Variants in ASH1L observed in about 807,000 individuals in gnomAD.
ASH1L encodes the protein ASH1 like histone lysine methyltransferase, also known as histone-lysine N-methyltransferase ASH1L.
ASH1L carries 23 observed loss-of-function variants against 269.0 expected under a neutral mutation model. The ratio of observed to expected loss-of-function variants is 0.09; its 90% CI spans 0.06 to 0.12. ASH1L has a LOEUF of 0.12. ASH1L is among the 10% of genes least tolerant of loss of function. The probability of loss-of-function intolerance (pLI) is 1.00; values close to 1 mark genes in which losing one functional copy is unlikely to be tolerated. For missense variants in ASH1L, 2,912 were observed against 3,567.8 expected (o/e 0.82, Z 4.68); for synonymous variants, 1,187 against 1,253.5 (o/e 0.95, Z 1.12).
intron 1 of ASH1L, among the ~76,000 whole-genome samples, chr1:155,528,190 C>T (rs1669407624): frequency 6.6e-6 from 1 of 152,156 alleles, no homozygotes; most frequent in Non-Finnish European, 1.5e-5. Flanking sequence ...TCTTTGCCCA[C>T]TGCCCCAAAT....
intron 1 of ASH1L, among the ~76,000 whole-genome samples, chr1:155,553,374 T>C (rs114790197): frequency 4.1e-4 from 63 of 152,328 alleles, no homozygotes; most frequent in African/African-American, 1.5e-3. Flanking sequence ...ACAATAGTTT[T>C]TTGTCTAAGA....
chr1:155,362,969 T>C (rs1402171963), intron 12 of ASH1L, among the ~76,000 whole-genome samples: 1 of 152,138 alleles, frequency 6.6e-6, no homozygotes, highest in Non-Finnish European at 1.5e-5. Context: ...TCAGAAAGCA[T>C]TTAAAAATTT....
chr1:155,468,739 A>C (rs1664876626), intron 3 of ASH1L, among the ~76,000 whole-genome samples: 1 of 152,178 alleles, frequency 6.6e-6, no homozygotes. Context: ...ATGATACCAA[A>C]TGTAAAATGA....
At chr1:155,460,824 C>T (rs1335106220) in intron 3 of ASH1L, among the ~76,000 whole-genome samples, 1 of 152,152 alleles carries the variant, frequency 6.6e-6, no homozygotes, top group East Asian at 1.9e-4. Context: ...AACTCAATTT[C>T]CTTTCAAAAA....
chr1:155,404,824 T>C (rs1659132302), intron 6 of ASH1L, among the ~76,000 whole-genome samples: 1 of 151,382 alleles, frequency 6.6e-6, no homozygotes, highest in Non-Finnish European at 1.5e-5. Context: ...GGTCAAGAGA[T>C]CGAGACCGTC....
intron 4 of ASH1L, among the ~76,000 whole-genome samples, chr1:155,446,532 C>T (rs565254524): frequency 3.4e-4 from 51 of 150,060 alleles, no homozygotes; most frequent in African/African-American, 1.2e-3. Flanking sequence ...CTTCTGGGCT[C>T]AAGCGATCCA....
At chr1:155,403,380 G>A (rs2148504801) in intron 6 of ASH1L, among the ~76,000 whole-genome samples, 1 of 152,188 alleles carries the variant, frequency 6.6e-6, no homozygotes, top group South Asian at 2.1e-4. Flanking sequence ...AGTAAAGTAG[G>A]GAAAAGTACA....
chr1:155,424,871 T>C (rs772707341), intron 5 of ASH1L, among the ~76,000 whole-genome samples: 8 of 151,922 alleles, frequency 5.3e-5, no homozygotes, highest in Admixed American at 2.6e-4. Flanking sequence ...AATGGCATGA[T>C]GTTGGCTCAC....
At chr1:155,408,195 C>G (rs1342773001) in intron 6 of ASH1L, among the ~76,000 whole-genome samples, 1 of 152,146 alleles carries the variant, frequency 6.6e-6, no homozygotes, top group Admixed American at 6.6e-5. Flanking sequence ...TTGATTCTGG[C>G]TTATGAAACT....
At chr1:155,488,599 G>A (rs1558159383) in intron 2 of ASH1L, among the ~76,000 whole-genome samples, 2 of 144,660 alleles carry the variant, frequency 1.4e-5, no homozygotes, top group Non-Finnish European at 3.0e-5. Flanking sequence ...AACCCAGGAG[G>A]CGGAGGATGC....
At position 155,480,837 on chromosome 1, in the gene ASH1L, T is replaced by C. The variant is rs1297716114; in HGVS notation, c.2033A>G (p.Asn678Ser). The C allele has an allele frequency of 6.8e-6, 11 of 1,613,878 alleles. No homozygotes were observed. In the Admixed American group the frequency reaches 1.8e-4, roughly 27 times the overall value. Reference sequence around the variant, plus strand: ...TGCACCCAGTTTTAAAAAAGGCTTATTACTAAATAAACTAGTGAAGTTAAC... The same window carrying C: ...TGCACCCAGTTTTAAAAAAGGCTTACTACTAAATAAACTAGTGAAGTTAAC... ...SVVNFTSLFS[N>S]KPFLKLGAVS... Residue 678 changes from asparagine (N) to serine (S), a missense_variant, in exon 3 of 28, where the codon AAT becomes AGT. Physicochemically the swap from Asn to Ser is conservative, Grantham distance 46. This residue lies in a region of ASH1L where 715 missense variants were observed against 721.0 expected (regional missense o/e 0.99). Transcript: ENST00000392403.
intron 1 of ASH1L, among the ~76,000 whole-genome samples, chr1:155,533,046 T>G (rs1237973083): frequency 6.6e-6 from 1 of 151,344 alleles, no homozygotes; most frequent in Non-Finnish European, 1.5e-5. Flanking sequence ...GGAAGACAAC[T>G]ATGTTTGGAA....
rs994426175 is a variant in ASH1L at position 155,361,347 on chromosome 1, T to C, written c.6687-938A>G. On this transcript the variant is annotated intron_variant, in intron 12 of 27. Transcript: ENST00000392403. The stretch of plus-strand genomic sequence containing the variant: ...GCCTGACCAATATGGTGAAACCCCA[T>C]CTCTACTAAAAACACAAAAATTAGC... 2.0e-5 allele frequency among the ~76,000 whole-genome samples: 3 copies of C among 151,074 alleles called. No homozygotes were observed. The East Asian group carries it at 5.9e-4, about 30-fold the overall frequency.
In ASH1L at chr1:155,480,334, T is replaced by A. The variant is rs1162576893; in HGVS notation, c.2536A>T (p.Thr846Ser). 6.2e-7 allele frequency: 1 copy of A among 1,613,614 alleles called. No homozygotes were observed. Among genetic ancestry groups the A allele is most frequent in the Non-Finnish European group, 8.5e-7 (1 of 1,179,710 alleles). ...ACTTTAGAAGCAGGGATTTTTAAAG[T>A]CCTTTTAGGTGGCCCTTCCAGTTGA... ...MPQLEGPPKRTLKIPASKVFS... is the reference protein window; with the variant it reads ...MPQLEGPPKRSLKIPASKVFS... Residue 846 changes from threonine (T) to serine (S), a missense_variant, in exon 3 of 28, where the codon ACT becomes TCT. Coordinates refer to ENST00000392403, the MANE Select transcript of ASH1L (RefSeq NM_018489.3).
Position 155,337,768 on chromosome 1 carries a change from G to A in ASH1L, c.8804-17C>T. 1 of 1,609,770 alleles carries A rather than the reference G, an allele frequency of 6.2e-7. No homozygotes were observed. The highest frequency in any genetic ancestry group is 1.1e-5 in the South Asian group (1 of 90,954). On this transcript the variant is annotated splice_polypyrimidine_tract_variant and intron_variant, in intron 27 of 27. Transcript: ENST00000392403. ...CATCAATGGCTGAAAACAGAACCAA[G>A]GAGGCTCATCAAAATACCAATCTCC...
In ASH1L at chr1:155,479,996, A is replaced by C; in HGVS notation, c.2874T>G (p.Ser958Arg). 6.2e-7 allele frequency: 1 copy of C among 1,613,984 alleles called. No homozygotes were observed. Among genetic ancestry groups the C allele is most frequent in the Non-Finnish European group, 8.5e-7 (1 of 1,180,010 alleles). ...LDDSHRPSVCSMSDLEMEPDK... is the reference protein window; with the variant it reads ...LDDSHRPSVCRMSDLEMEPDK... ...CTGGTTCCATCTCAAGGTCACTCATACTACAGACACTTGGCCTATGACTGT... is the reference window on the plus strand; with the variant it reads ...CTGGTTCCATCTCAAGGTCACTCATCCTACAGACACTTGGCCTATGACTGT... The change falls in exon 3 of 28, where the codon AGT (serine) becomes AGG (arginine). Residue 958 changes from serine (S) to arginine (R), a missense_variant. Physicochemically the swap from Ser to Arg is moderately radical, Grantham distance 110. Coordinates refer to ENST00000392403, the MANE Select transcript of ASH1L (RefSeq NM_018489.3).
chr1:155,390,649 TTC>T (rs1657846711), intron 7 of ASH1L, among the ~76,000 whole-genome samples: 1 of 136,282 alleles, frequency 7.3e-6, no homozygotes, highest in African/African-American at 2.7e-5. Flanking sequence ...CCCCCCTTTT[TTC>T]TTTCTTTTTT....
rs1014796039 is a variant in ASH1L at position 155,468,227 on chromosome 1, T to C, written c.4985-8329A>G. Among the ~76,000 whole-genome samples, 44 of 29,802 alleles carry C rather than the reference T, an allele frequency of 1.5e-3. No homozygotes were observed. In the Middle Eastern group the frequency reaches 0.074, roughly 50 times the overall value. 19.6% of individuals were successfully genotyped at this position (29,802 alleles called of 152,430 possible). A position where few individuals can be genotyped will look rare whatever the true frequency, so the allele number is the denominator to read the frequency against. ...TTTGTAGAATGCCCTTTATTATTAT[T>C]ATTATTTTTTTTTTCTGCTTAGATT... On this transcript the variant is annotated intron_variant, in intron 3 of 27. Transcript: ENST00000392403.
rs994628958 is a variant in ASH1L at position 155,373,095 on chromosome 1, C to G, written c.6333-2112G>C. Among the ~76,000 whole-genome samples, 21 of 152,048 alleles carry G rather than the reference C, an allele frequency of 1.4e-4. No homozygotes were observed. In the East Asian group the frequency reaches 4.1e-3, roughly 29 times the overall value. On this transcript the variant is annotated intron_variant, in intron 10 of 27. Transcript: ENST00000392403. Reference sequence around the variant, plus strand: ...GGGCGTGGTGGTATGTGCCTATAGTCCCAGCTACTCGGGAGGCTGAGACAG... The same window carrying G: ...GGGCGTGGTGGTATGTGCCTATAGTGCCAGCTACTCGGGAGGCTGAGACAG...
Sources: gnomAD v4.1 joint callset for allele counts (sites outside exome capture counted in the v4.1 genomes callset) on GRCh38, gnomAD v4.1.1 for gene constraint, gnomAD v4.1.1 regional missense constraint, MANE v1.5 for transcripts, NCBI Gene and HGNC (gene_info 2026-07-23, HGNC 2026-07-21) for gene names.